The following SERGEF variants were observed in gnomAD, a reference collection of about 807,000 sequenced individuals.
The protein encoded by SERGEF is secretion regulating guanine nucleotide exchange factor.
Under a neutral mutation model 50.0 loss-of-function variants are expected in SERGEF, and 51 were observed. The ratio of observed to expected loss-of-function variants is 1.02; its 90% confidence interval spans 0.81 to 1.29. The LOEUF (loss-of-function observed/expected upper bound fraction) is 1.29, where lower values mean the gene tolerates loss of function less well. Ranked by LOEUF, SERGEF falls within the 50% of genes most tolerant of loss-of-function variation. The pLI, the probability that SERGEF is intolerant of heterozygous loss-of-function variation, is 0.00. For missense variants in SERGEF, 521 were observed against 557.0 expected (o/e 0.94, Z 0.65); for synonymous variants, 205 against 212.4 (o/e 0.97, Z 0.30).
chr11:17,918,436 T>C (rs183094001), intron 9 of SERGEF, among the ~76,000 whole-genome samples: 1 of 152,066 alleles, frequency 6.6e-6, no homozygotes, highest in African/African-American at 2.4e-5. Flanking sequence ...TTCATTTATA[T>C]CAACATAAGA....
At chr11:17,996,711 A>T (rs1403399630) in intron 5 of SERGEF, among the ~76,000 whole-genome samples, 4 of 152,204 alleles carry the variant, frequency 2.6e-5, no homozygotes, top group Admixed American at 2.6e-4. Flanking sequence ...ATAAACAGAC[A>T]AGCCTGTTTT....
chr11:17,921,007 G>A (rs1416812424), intron 9 of SERGEF, among the ~76,000 whole-genome samples: 2 of 152,132 alleles, frequency 1.3e-5, no homozygotes, highest in African/African-American at 2.4e-5. Flanking sequence ...CCCATCCAGT[G>A]GATCTGCACT....
At chr11:17,970,986 A>G (rs1194944512) in intron 8 of SERGEF, among the ~76,000 whole-genome samples, 1 of 152,178 alleles carries the variant, frequency 6.6e-6, no homozygotes, top group Non-Finnish European at 1.5e-5. Flanking sequence ...CGAGGTCAGG[A>G]GATCAAGACC....
chr11:17,815,259 T>C (rs1849949168), intron 10 of SERGEF, among the ~76,000 whole-genome samples: 1 of 151,900 alleles, frequency 6.6e-6, no homozygotes, highest in Non-Finnish European at 1.5e-5. Flanking sequence ...TGTTTCTGGA[T>C]TTAGGGTTTT....
intron 10 of SERGEF, among the ~76,000 whole-genome samples, chr11:17,796,567 G>T (rs1372332460): frequency 6.6e-6 from 1 of 152,182 alleles, no homozygotes. Context: ...CAGCAAGAAG[G>T]TCTTCCCCAG....
In SERGEF at chr11:17,959,625, T is replaced by C; in HGVS notation, c.856A>G (p.Met286Val). Residue 286 changes from methionine to valine, a missense_variant, in exon 9 of 11, where the codon ATG becomes GTG. Coordinates refer to ENST00000265965, the MANE Select transcript of SERGEF (RefSeq NM_012139.4). ...HLVAQTETGK[M>V]FTWGRADYGQ... ...TAGTCTGCTCGGCCCCAGGTAAACATCTTGCCAGTTTCTAAAAACAAATAT... is the reference window on the plus strand; with the variant it reads ...TAGTCTGCTCGGCCCCAGGTAAACACCTTGCCAGTTTCTAAAAACAAATAT... 1 of 1,610,912 alleles carries C rather than the reference T, an allele frequency of 6.2e-7. No homozygotes were observed. The highest frequency in any genetic ancestry group is 8.5e-7 in the Non-Finnish European group (1 of 1,178,954).
rs1851476342 is a variant in SERGEF at position 17,888,651 on chromosome 11, AC to A, written c.1012-10408del. On this transcript the variant is annotated intron_variant, in intron 9 of 10. Transcript: ENST00000265965. This position sits in a 1 kb window ranked among gnomAD's most constrained non-coding sequence, Gnocchi z 4.1. ...TTTACACACACACACACACACACAC[AC>A]ACACACACACACACACACACACACA... Among the ~76,000 whole-genome samples the A allele has an allele frequency of 6.6e-6, 1 of 150,562 alleles. No homozygotes were observed. The highest frequency in any genetic ancestry group is 2.4e-5 in the African/African-American group (1 of 40,880).
chr11:17,847,022 C>T (rs1321969325), intron 10 of SERGEF, among the ~76,000 whole-genome samples: 1 of 152,214 alleles, frequency 6.6e-6, no homozygotes, highest in Non-Finnish European at 1.5e-5. Context: ...ATCTGCACCT[C>T]ACCTCCACAC....
At chr11:17,994,013 T>G (rs1316148662) in intron 6 of SERGEF, among the ~76,000 whole-genome samples, 1 of 152,102 alleles carries the variant, frequency 6.6e-6, no homozygotes, top group Non-Finnish European at 1.5e-5. Flanking sequence ...AAAAAACATT[T>G]TTTCCCTCTA....
At chr11:17,968,317 T>G (rs919011163) in intron 8 of SERGEF, among the ~76,000 whole-genome samples, 1 of 152,172 alleles carries the variant, frequency 6.6e-6, no homozygotes, top group African/African-American at 2.4e-5. Flanking sequence ...CCTATATAGA[T>G]AGAAACAGAT....
At chr11:17,934,424 A>C (rs1170020698) in intron 9 of SERGEF, among the ~76,000 whole-genome samples, 2 of 152,204 alleles carry the variant, frequency 1.3e-5, no homozygotes, top group Admixed American at 1.3e-4. Flanking sequence ...CTAGTTATTC[A>C]TTCAGGAAAA....
chr11:17,876,688 C>T (rs1357888030), intron 10 of SERGEF, among the ~76,000 whole-genome samples: 1 of 152,256 alleles, frequency 6.6e-6, no homozygotes, highest in African/African-American at 2.4e-5. Flanking sequence ...GCTTTGCTAG[C>T]TCTGACCCAT....
At chr11:17,918,828 G>A (rs1183548369) in intron 9 of SERGEF, 2 of 391,772 alleles carry the variant, frequency 5.1e-6, no homozygotes, top group Non-Finnish European at 5.0e-6. Flanking sequence ...TCCTGGCAAA[G>A]GGAAGAGTGT....
chr11:17,975,269 CA>C (rs1469855494), intron 8 of SERGEF, among the ~76,000 whole-genome samples: 2 of 152,114 alleles, frequency 1.3e-5, no homozygotes, highest in Non-Finnish European at 2.9e-5. Context: ...CCTCACTTGG[CA>C]AAATTTGTAT....
At chr11:17,878,089 A>G (rs947022664) in intron 10 of SERGEF, 119 bp downstream of exon 10, 23 of 689,204 alleles carry the variant, frequency 3.3e-5, no homozygotes, top group African/African-American at 1.7e-4. Flanking sequence ...ATTTCCCCCA[A>G]TCTCCCCTAA....
chr11:17,924,937 T>C (rs561940620), intron 9 of SERGEF, among the ~76,000 whole-genome samples: 41 of 152,278 alleles, frequency 2.7e-4, no homozygotes, highest in Non-Finnish European at 3.5e-4. Flanking sequence ...GAGGTCACAG[T>C]CACCACTGAT....
chr11:17,843,880 A>C (rs1173191571), intron 10 of SERGEF, among the ~76,000 whole-genome samples: 2 of 152,234 alleles, frequency 1.3e-5, no homozygotes, highest in Non-Finnish European at 2.9e-5. Flanking sequence ...ATCCTAAAAC[A>C]TCAGAACCAG....
chr11:17,822,390 G>GA (rs772168279), intron 10 of SERGEF, among the ~76,000 whole-genome samples: 7 of 152,128 alleles, frequency 4.6e-5, no homozygotes, highest in East Asian at 1.9e-4. Context: ...ATTCAAGGGG[G>GA]AAAAATGAAG....
intron 9 of SERGEF, among the ~76,000 whole-genome samples, chr11:17,947,764 G>C (rs1157427567): frequency 6.6e-6 from 1 of 152,056 alleles, no homozygotes; most frequent in Non-Finnish European, 1.5e-5. Context: ...TACCTCCCCA[G>C]GTTTTGGTTC....
Sources: gnomAD v4.1 joint callset for allele counts (sites outside exome capture counted in the v4.1 genomes callset) on GRCh38, gnomAD v4.1.1 for gene constraint, Gnocchi (gnomAD v3.1) non-coding constraint, MANE v1.5 for transcripts, NCBI Gene and HGNC (gene_info 2026-07-23, HGNC 2026-07-21) for gene names.